Variants in PHKB observed in about 807,000 individuals in gnomAD.
The protein encoded by PHKB is phosphorylase b kinase regulatory subunit beta.
Under a neutral mutation model 152.1 loss-of-function variants are expected in PHKB, and 122 were observed. The ratio of observed to expected loss-of-function variants is 0.80; its 90% CI spans 0.69 to 0.93. The LOEUF is 0.93. Among genes scored for constraint, PHKB ranks in the 40% least tolerant of loss-of-function variants. PHKB has a pLI of 0.00. For missense variants in PHKB, 1,304 were observed against 1,328.4 expected (o/e 0.98, Z 0.29); for synonymous variants, 436 against 464.9 (o/e 0.94, Z 0.80).
chr16:47,607,374 CCTACTCT>C (rs368734448), intron 13 of PHKB, among the ~76,000 whole-genome samples: 58 of 152,272 alleles, frequency 3.8e-4, no homozygotes, highest in African/African-American at 1.3e-3. Flanking sequence ...CAATGGCTAG[CCTACTCT>C]CTAATTCTAT....
At chr16:47,582,467 T>G (rs1971863669) in intron 8 of PHKB, among the ~76,000 whole-genome samples, 1 of 152,230 alleles carries the variant, frequency 6.6e-6, no homozygotes, top group Non-Finnish European at 1.5e-5. Flanking sequence ...TATAACTGTA[T>G]TGCTGATATT....
At chr16:47,608,322 C>T (rs1972364640) in intron 13 of PHKB, among the ~76,000 whole-genome samples, 1 of 152,184 alleles carries the variant, frequency 6.6e-6, no homozygotes, top group African/African-American at 2.4e-5. Flanking sequence ...TTACATTTAA[C>T]TCTTTGATCT....
At chr16:47,544,387 G>A (rs975850759) in intron 6 of PHKB, among the ~76,000 whole-genome samples, 1 of 152,174 alleles carries the variant, frequency 6.6e-6, no homozygotes, top group African/African-American at 2.4e-5. Flanking sequence ...TTTCCATGTA[G>A]TTGTGCGGTT....
chr16:47,622,588 T>C (rs1249395501), intron 14 of PHKB, among the ~76,000 whole-genome samples: 1 of 152,198 alleles, frequency 6.6e-6, no homozygotes, highest in African/African-American at 2.4e-5. Context: ...TGACACACCC[T>C]TGAGAGAATT....
chr16:47,497,765 T>C (rs894918813), intron 2 of PHKB, among the ~76,000 whole-genome samples: 10 of 152,200 alleles, frequency 6.6e-5, no homozygotes, highest in Non-Finnish European at 1.5e-4. Flanking sequence ...ATTTGAGACC[T>C]TGAGGATGTT....
intron 1 of PHKB, among the ~76,000 whole-genome samples, chr16:47,476,470 C>A (rs894053364): frequency 1.3e-5 from 2 of 152,042 alleles, no homozygotes; most frequent in African/African-American, 4.8e-5. Flanking sequence ...TGATAATAAT[C>A]ATTTGCTCAA....
At chr16:47,554,149 G>T (rs1971323606) in intron 7 of PHKB, among the ~76,000 whole-genome samples, 1 of 152,162 alleles carries the variant, frequency 6.6e-6, no homozygotes, top group Non-Finnish European at 1.5e-5. Flanking sequence ...CTGTCCCAGG[G>T]AGATGGAAGT....
At chr16:47,465,479 T>C (rs1238742701) in intron 1 of PHKB, among the ~76,000 whole-genome samples, 1 of 152,224 alleles carries the variant, frequency 6.6e-6, no homozygotes, top group Admixed American at 6.5e-5. Context: ...TATCATCAAA[T>C]TGAAATAGAA....
intron 6 of PHKB, among the ~76,000 whole-genome samples, chr16:47,534,978 A>C (rs959387718): frequency 6.6e-6 from 1 of 152,206 alleles, no homozygotes. Flanking sequence ...GTGAAATACA[A>C]GGAGGACTAA....
intron 1 of PHKB, chr16:47,463,836 C>T: frequency 1.7e-6 from 2 of 1,151,028 alleles, no homozygotes; most frequent in South Asian, 1.3e-5. Context: ...GCTCACACTG[C>T]TTTCAATTAA....
chr16:47,667,489 TA>T (rs1255524470), intron 25 of PHKB, among the ~76,000 whole-genome samples: 1 of 152,148 alleles, frequency 6.6e-6, no homozygotes, highest in African/African-American at 2.4e-5. Flanking sequence ...TCACTTCATA[TA>T]TGTTATTTTC....
At chr16:47,512,397 C>A (rs1407719639) in intron 5 of PHKB, among the ~76,000 whole-genome samples, 2 of 152,070 alleles carry the variant, frequency 1.3e-5, no homozygotes, top group Admixed American at 6.5e-5. Context: ...GACTACAGTT[C>A]TTTCCGTGAC....
intron 1 of PHKB, among the ~76,000 whole-genome samples, chr16:47,482,167 G>A (rs1969974988): frequency 1.3e-5 from 2 of 152,230 alleles, no homozygotes. Context: ...TCCTTAGACG[G>A]ATTCTCAGGA....
At chr16:47,512,469 A>T (rs1026347228) in intron 5 of PHKB, among the ~76,000 whole-genome samples, 9 of 152,256 alleles carry the variant, frequency 5.9e-5, no homozygotes, top group Admixed American at 6.5e-5. Context: ...AGGGGAAAAA[A>T]GACAGTTCAC....
intron 25 of PHKB, among the ~76,000 whole-genome samples, chr16:47,668,483 C>T (rs72800686): frequency 0.029 from 4,444 of 152,200 alleles, 142 homozygotes; most frequent in East Asian, 0.094. Flanking sequence ...GGGAGAAGGG[C>T]GGCCTGCAGA....
intron 6 of PHKB, among the ~76,000 whole-genome samples, chr16:47,530,094 T>C (rs971031474): frequency 6.6e-6 from 1 of 151,556 alleles, no homozygotes; most frequent in Admixed American, 6.6e-5. Flanking sequence ...CCCTTTAGTT[T>C]GAGGGACAAG....
chr16:47,476,908 C>T (rs889733017), intron 1 of PHKB, among the ~76,000 whole-genome samples: 1 of 152,170 alleles, frequency 6.6e-6, no homozygotes, highest in African/African-American at 2.4e-5. Flanking sequence ...TGCTGTTCAG[C>T]ATCCTCCCTG....
At chr16:47,632,325 T>G (rs749964287) in intron 14 of PHKB, among the ~76,000 whole-genome samples, 2 of 152,186 alleles carry the variant, frequency 1.3e-5, no homozygotes, top group Non-Finnish European at 2.9e-5. Flanking sequence ...CCTTAATTGA[T>G]TATCAAAAGG....
rs747864138 is a variant in PHKB, at chr16:47,698,437, G to C, written c.3004-11G>C. ...TTCATATAGTTGGCTTTCAATGTCTGTCTCTTCTAGTTACTTATGGTTGTA... is the reference window on the plus strand; with the variant it reads ...TTCATATAGTTGGCTTTCAATGTCTCTCTCTTCTAGTTACTTATGGTTGTA... On this transcript the variant is annotated splice_polypyrimidine_tract_variant and intron_variant, in intron 29 of 30. Coordinates refer to ENST00000323584, the MANE Select transcript of PHKB (RefSeq NM_000293.3). The C allele has an allele frequency of 6.9e-6, 11 of 1,605,148 alleles. No homozygotes were observed. The highest frequency in any genetic ancestry group is 1.1e-5 in the South Asian group (1 of 90,894).
Sources: allele counts gnomAD v4.1 joint callset (sites outside exome capture counted in the v4.1 genomes callset), GRCh38; gene constraint gnomAD v4.1.1; transcripts MANE v1.5; gene names NCBI Gene and HGNC (gene_info 2026-07-23, HGNC 2026-07-21).